DPP10: variants seen among roughly 807,000 people sequenced by gnomAD.
The protein encoded by DPP10 is inactive dipeptidyl peptidase 10.
A neutral mutation model predicts 120.9 loss-of-function variants in DPP10; 33 were observed. The ratio of observed to expected loss-of-function variants is 0.27; its 90% confidence interval spans 0.21 to 0.37. The LOEUF (loss-of-function observed/expected upper bound fraction) is 0.37. Among genes scored for constraint, DPP10 ranks in the 10% least tolerant of loss-of-function variants. The pLI, the probability that DPP10 is intolerant of heterozygous loss-of-function variation, is 1.00. For synonymous variants in DPP10, 337 were observed against 326.1 expected (o/e 1.03, Z -0.36); for missense variants, 816 against 942.8 (o/e 0.87, Z 1.76).
intron 1 of DPP10, among the ~76,000 whole-genome samples, chr2:115,001,391 C>G (rs1701429211): frequency 6.6e-6 from 1 of 152,082 alleles, no homozygotes; most frequent in East Asian, 1.9e-4. Flanking sequence ...ATTGAAGGAA[C>G]ATACTTCAAA....
chr2:115,600,914 CCCT>C (rs1227213169), intron 5 of DPP10, among the ~76,000 whole-genome samples: 3 of 152,324 alleles, frequency 2.0e-5, no homozygotes, highest in Non-Finnish European at 4.4e-5. Context: ...ACATTTCTTT[CCCT>C]CCTCCTCTTT....
At chr2:115,623,134 C>G (rs57671440) in intron 5 of DPP10, among the ~76,000 whole-genome samples, 10 of 152,058 alleles carry the variant, frequency 6.6e-5, no homozygotes, top group African/African-American at 9.7e-5. Flanking sequence ...CGTGAGCCAC[C>G]GTGCCCGGCT....
At chr2:114,667,839 T>A (rs1243041611) in intron 1 of DPP10, among the ~76,000 whole-genome samples, 1 of 152,192 alleles carries the variant, frequency 6.6e-6, no homozygotes, top group Non-Finnish European at 1.5e-5. Flanking sequence ...AGTACAAATC[T>A]GAAACATTCT....
intron 1 of DPP10, among the ~76,000 whole-genome samples, chr2:115,292,483 A>G (rs1438571698): frequency 1.3e-5 from 2 of 152,122 alleles, no homozygotes; most frequent in Admixed American, 6.6e-5. Flanking sequence ...TACTGAATCA[A>G]TGCTTACCTT....
chr2:115,150,576 A>G (rs2104894773), intron 1 of DPP10, among the ~76,000 whole-genome samples: 1 of 152,364 alleles, frequency 6.6e-6, no homozygotes, highest in East Asian at 1.9e-4. Context: ...TACTAAATCT[A>G]CATTGGTAGA....
At chr2:115,105,422 T>TGAGAGAGAGAGA (rs10565038) in intron 1 of DPP10, among the ~76,000 whole-genome samples, 167 of 146,226 alleles carry the variant, frequency 1.1e-3, no homozygotes, top group Non-Finnish European at 1.7e-3. Context: ...TGTCACATGG[T>TGAGAGAGAGAGA]GAGAGAGAGA....
Position 114,659,520 on chromosome 2 carries a change from A to AT in DPP10, c.60+216692dup, listed in dbSNP as rs1041346428. 7.7e-3 allele frequency among the ~76,000 whole-genome samples: 1,151 copies of AT among 149,522 alleles called. 23 individuals are homozygous for AT. Among genetic ancestry groups the AT allele is most frequent in the African/African-American group, 0.025 (1,038 of 40,770 alleles). On this transcript the variant is annotated intron_variant, in intron 1 of 25. Transcript: ENST00000410059. Reference sequence around the variant, plus strand: ...GGGGTTTAGTATTAGGCCTACTTCTATTTTTTTTTTCCTCAGAGTTTGCCA... The same window carrying AT: ...GGGGTTTAGTATTAGGCCTACTTCTATTTTTTTTTTTCCTCAGAGTTTGCCA...
At chr2:115,025,790 A>G (rs1288986299) in intron 1 of DPP10, among the ~76,000 whole-genome samples, 2 of 151,946 alleles carry the variant, frequency 1.3e-5, no homozygotes, top group African/African-American at 2.4e-5. Context: ...CCTCTTGGTC[A>G]TTTGTATGTC....
chr2:114,741,793 C>T (rs555563511), intron 1 of DPP10, among the ~76,000 whole-genome samples: 45 of 152,100 alleles, frequency 3.0e-4, no homozygotes, highest in Non-Finnish European at 6.0e-4. Context: ...CTGTCACAAG[C>T]CACGGGGTGC....
In DPP10 at chr2:115,525,769, G is replaced by A. The variant is rs986045898; in HGVS notation, c.367-129G>A. 25 of 642,772 alleles carry A rather than the reference G, an allele frequency of 3.9e-5. No homozygotes were observed. In the African/African-American group the frequency reaches 4.2e-4, roughly 11 times the overall value. 39.8% of individuals were successfully genotyped at this position (642,772 alleles called of 1,614,324 possible). On this transcript the variant is annotated intron_variant, in intron 4 of 25. Transcript: ENST00000410059. ...ATCATACATACATACATGCAAATAT[G>A]TATACAATATAAAAGAAATGAGAAT...
At chr2:115,087,487 C>T (rs1052306763) in intron 1 of DPP10, among the ~76,000 whole-genome samples, 4 of 150,472 alleles carry the variant, frequency 2.7e-5, no homozygotes, top group South Asian at 4.2e-4. Flanking sequence ...AAGTCAAGGT[C>T]GTGACCTGAG....
At chr2:115,340,668 A>T (rs1373153400) in intron 2 of DPP10, among the ~76,000 whole-genome samples, 1 of 151,720 alleles carries the variant, frequency 6.6e-6, no homozygotes, top group African/African-American at 2.4e-5. Context: ...ACATCTTCCT[A>T]AAAAATGTAA....
chr2:115,809,136 A>T (rs1351242808), intron 19 of DPP10, among the ~76,000 whole-genome samples: 2 of 152,250 alleles, frequency 1.3e-5, no homozygotes, highest in African/African-American at 4.8e-5. Flanking sequence ...AATACAGTGT[A>T]TGAGAAAATT....
chr2:114,918,734 T>C (rs1694984162), intron 1 of DPP10, among the ~76,000 whole-genome samples: 1 of 152,106 alleles, frequency 6.6e-6, no homozygotes, highest in Admixed American at 6.6e-5. Flanking sequence ...TATATGTGGA[T>C]GCTAAACACT....
At chr2:115,173,925 C>T (rs2053533372) in intron 1 of DPP10, among the ~76,000 whole-genome samples, 1 of 152,156 alleles carries the variant, frequency 6.6e-6, no homozygotes, top group Non-Finnish European at 1.5e-5. Context: ...AGAAGAGTTC[C>T]TCCCACCTAG....
intron 1 of DPP10, among the ~76,000 whole-genome samples, chr2:114,911,796 G>T (rs1010291114): frequency 1.3e-5 from 2 of 152,178 alleles, no homozygotes; most frequent in African/African-American, 4.8e-5. Flanking sequence ...CTGAGGTTTT[G>T]TTAAGCAGAT....
chr2:115,087,788 A>G (rs1419345087), intron 1 of DPP10, among the ~76,000 whole-genome samples: 5 of 151,914 alleles, frequency 3.3e-5, no homozygotes, highest in Non-Finnish European at 7.4e-5. Flanking sequence ...TCATGACCTC[A>G]GGTCATCTGC....
intron 1 of DPP10, among the ~76,000 whole-genome samples, chr2:114,668,706 T>G (rs1220736181): frequency 2.0e-5 from 3 of 152,152 alleles, no homozygotes; most frequent in Non-Finnish European, 4.4e-5. Context: ...AACTAATGTA[T>G]TTTGCTATGG....
At chr2:115,834,072 G>C (rs1173186798) in intron 21 of DPP10, among the ~76,000 whole-genome samples, 1 of 152,104 alleles carries the variant, frequency 6.6e-6, no homozygotes, top group Non-Finnish European at 1.5e-5. Context: ...ATCTATATAG[G>C]ATAATTTTCT....
Sources: gnomAD v4.1 joint callset for allele counts (sites outside exome capture counted in the v4.1 genomes callset) on GRCh38, gnomAD v4.1.1 for gene constraint, MANE v1.5 for transcripts, NCBI Gene and HGNC (gene_info 2026-07-23, HGNC 2026-07-21) for gene names.